BACH2: variants seen among roughly 807,000 people sequenced by gnomAD.
The protein encoded by BACH2 is transcription regulator protein BACH2.
Under a neutral mutation model 61.8 loss-of-function variants are expected in BACH2, and 5 were observed. The observed-to-expected ratio is 0.08, with a 90% CI of 0.04 to 0.17. BACH2 has a LOEUF of 0.17. Among genes scored for constraint, BACH2 ranks in the 10% least tolerant of loss-of-function variants. The probability of loss-of-function intolerance (pLI) is 1.00; values close to 1 mark genes in which losing one functional copy is unlikely to be tolerated. For missense variants in BACH2, 824 were observed against 1,091.1 expected (o/e 0.76, Z 3.45); for synonymous variants, 446 against 440.1 (o/e 1.01, Z -0.17).
intron 6 of BACH2, among the ~76,000 whole-genome samples, chr6:89,973,628 A>G (rs1159477842): frequency 1.3e-5 from 2 of 152,158 alleles, no homozygotes; most frequent in Non-Finnish European, 2.9e-5. Flanking sequence ...GCTATGTCAC[A>G]TGACACACTC....
intron 5 of BACH2, among the ~76,000 whole-genome samples, chr6:90,055,406 G>A (rs1320880559): frequency 1.3e-5 from 2 of 152,110 alleles, no homozygotes; most frequent in East Asian, 3.9e-4. Context: ...AATGAAGCAA[G>A]AAGAGAAGTT....
intron 4 of BACH2, among the ~76,000 whole-genome samples, chr6:90,104,916 G>A (rs1335687246): frequency 6.6e-6 from 1 of 152,178 alleles, no homozygotes; most frequent in Admixed American, 6.5e-5. Flanking sequence ...GAACTCTAAG[G>A]AGACCGATAA....
At chr6:90,141,621 A>G (rs1395932149) in intron 4 of BACH2, among the ~76,000 whole-genome samples, 3 of 152,162 alleles carry the variant, frequency 2.0e-5, no homozygotes, top group Non-Finnish European at 4.4e-5. Context: ...AATAACAAAG[A>G]CAAACAGCTT....
chr6:90,023,394 C>T (rs1304518632), intron 5 of BACH2, among the ~76,000 whole-genome samples: 1 of 151,980 alleles, frequency 6.6e-6, no homozygotes, highest in Non-Finnish European at 1.5e-5. Context: ...GCACTTTCCC[C>T]CTCCTCTCTT....
At chr6:90,287,405 T>C (rs1342358982) in intron 1 of BACH2, among the ~76,000 whole-genome samples, 1 of 152,008 alleles carries the variant, frequency 6.6e-6, no homozygotes, top group Non-Finnish European at 1.5e-5. Context: ...AAATTCAACA[T>C]GCAAAGATAA....
chr6:90,033,113 A>AT (rs1458495815), intron 5 of BACH2, among the ~76,000 whole-genome samples: 1 of 151,524 alleles, frequency 6.6e-6, no homozygotes, highest in Non-Finnish European at 1.5e-5. Context: ...AAGGACAAAA[A>AT]ACCAAACGCT....
chr6:90,016,362 T>C (rs1778059384), intron 5 of BACH2, among the ~76,000 whole-genome samples: 1 of 152,206 alleles, frequency 6.6e-6, no homozygotes, highest in South Asian at 2.1e-4. Context: ...CTCTCTGTGT[T>C]AACTATTTTT....
intron 5 of BACH2, among the ~76,000 whole-genome samples, chr6:90,076,277 T>G (rs544121959): frequency 2.6e-5 from 4 of 152,304 alleles, no homozygotes; most frequent in South Asian, 4.1e-4. Context: ...ATCTTCATAA[T>G]GCATGTCAGA....
intron 4 of BACH2, among the ~76,000 whole-genome samples, chr6:90,159,787 G>C (rs933012837): frequency 6.6e-6 from 1 of 152,240 alleles, no homozygotes; most frequent in Non-Finnish European, 1.5e-5. Flanking sequence ...GGATGGGAAA[G>C]AGGCGGATAC....
intron 4 of BACH2, among the ~76,000 whole-genome samples, chr6:90,184,344 G>A (rs535976507): frequency 7.2e-5 from 11 of 152,242 alleles, no homozygotes; most frequent in African/African-American, 2.6e-4. Flanking sequence ...TGCATACAAG[G>A]AAGACTGATG....
chr6:90,049,608 CT>C (rs1329473127), intron 5 of BACH2, among the ~76,000 whole-genome samples: 1 of 152,184 alleles, frequency 6.6e-6, no homozygotes, highest in African/African-American at 2.4e-5. Flanking sequence ...GGTAAAACTG[CT>C]GGCATCTCAG....
At chr6:89,988,498 A>G (rs1486340387) in intron 6 of BACH2, among the ~76,000 whole-genome samples, 3 of 152,186 alleles carry the variant, frequency 2.0e-5, no homozygotes, top group Non-Finnish European at 4.4e-5. Flanking sequence ...TGGCAGGAGA[A>G]AATAGCTCAA....
At chr6:90,249,895 T>C (rs965047845) in intron 3 of BACH2, among the ~76,000 whole-genome samples, 6 of 152,214 alleles carry the variant, frequency 3.9e-5, no homozygotes, top group Non-Finnish European at 7.3e-5. Flanking sequence ...CCCAAATGAA[T>C]ACTCCACAGA....
At chr6:89,976,929 A>G (rs1009194944) in intron 6 of BACH2, among the ~76,000 whole-genome samples, 6 of 152,242 alleles carry the variant, frequency 3.9e-5, no homozygotes, top group African/African-American at 1.2e-4. Context: ...TTCACCAGAA[A>G]AAGGTCTGCT....
intron 2 of BACH2, among the ~76,000 whole-genome samples, chr6:90,264,256 T>G (rs991335751): frequency 3.9e-5 from 6 of 152,178 alleles, no homozygotes; most frequent in African/African-American, 1.4e-4. Context: ...CGTAGGAAAA[T>G]GTTCTTATTC....
chr6:90,049,664 A>G (rs150203065), intron 5 of BACH2, among the ~76,000 whole-genome samples: 26 of 152,332 alleles, frequency 1.7e-4, no homozygotes, highest in Non-Finnish European at 2.8e-4. Flanking sequence ...CTTCACTACC[A>G]TATACTCACC....
chr6:89,994,247 A>G (rs973789328), intron 6 of BACH2, among the ~76,000 whole-genome samples: 2 of 152,190 alleles, frequency 1.3e-5, no homozygotes, highest in Non-Finnish European at 2.9e-5. Context: ...AGAAGGTAAG[A>G]ATTTCCTTGT....
intron 4 of BACH2, among the ~76,000 whole-genome samples, chr6:90,184,992 A>G (rs1255817136): frequency 3.9e-5 from 6 of 152,240 alleles, no homozygotes; most frequent in Admixed American, 3.9e-4. Context: ...GAAGGAGTTA[A>G]GAGTACCTGT....
chr6:89,950,930 A>G lies in BACH2; in HGVS notation c.1176T>C (p.Tyr392=). The G allele has an allele frequency of 5.1e-6, 8 of 1,578,232 alleles. No individual in the cohort carries two copies. Among genetic ancestry groups the G allele is most frequent in the Non-Finnish European group, 6.0e-6 (7 of 1,162,268 alleles). ...CCTTCTGGCCCACGTGGGGCTGTCC[A>G]TAATTCCCTGTGAAAGGGGTGTAGT... ...KTDYTPFTGN[Y]GQPHVGQKEV... is the part of the protein sequence containing the mutation. Residue 392 remains tyrosine, a synonymous_variant, in exon 7 of 9, where the codon TAT becomes TAC. Transcript: ENST00000257749. The surrounding 1 kb of genome is among the most constrained non-coding windows in gnomAD (Gnocchi z 5.3).
Sources: gnomAD v4.1 joint callset for allele counts (sites outside exome capture counted in the v4.1 genomes callset) on GRCh38, gnomAD v4.1.1 for gene constraint, Gnocchi (gnomAD v3.1) non-coding constraint, MANE v1.5 for transcripts, NCBI Gene and HGNC (gene_info 2026-07-23, HGNC 2026-07-21) for gene names.